Variants in MICAL3 observed in about 807,000 individuals in gnomAD.
The protein encoded by MICAL3 is microtubule associated monooxygenase, calponin and LIM domain containing 3.
In MICAL3, 62 loss-of-function variants were observed where a neutral mutation model predicts 207.4. The ratio of observed to expected loss-of-function variants is 0.30; its 90% CI spans 0.24 to 0.37. The LOEUF is 0.37. MICAL3 is among the 10% of genes least tolerant of loss of function. The probability of loss-of-function intolerance (pLI) is 1.00; values close to 1 mark genes in which losing one functional copy is unlikely to be tolerated. For missense variants in MICAL3, 2,368 were observed against 2,635.6 expected (o/e 0.90, Z 2.22); for synonymous variants, 1,077 against 1,069.3 (o/e 1.01, Z -0.14).
intron 20 of MICAL3, among the ~76,000 whole-genome samples, chr22:17,837,127 C>G (rs1466785327): frequency 6.6e-6 from 1 of 152,276 alleles, no homozygotes; most frequent in Non-Finnish European, 1.5e-5. Context: ...CATCATGCAG[C>G]AGGCTTTACA....
chr22:17,861,413 T>C (rs1384113774), intron 19 of MICAL3: 10 of 985,372 alleles, frequency 1.0e-5, no homozygotes, highest in African/African-American at 1.7e-5. Context: ...CGTCCATCTC[T>C]GGCCGGTAAT....
chr22:17,998,977 T>G (rs895994658), intron 1 of MICAL3, among the ~76,000 whole-genome samples: 3 of 152,216 alleles, frequency 2.0e-5, no homozygotes, highest in African/African-American at 7.2e-5. Context: ...ACATGGAACC[T>G]GCTACAAGAC....
rs1343168521 is a variant in MICAL3, at chr22:17,841,353, G to C, written c.2801+469C>G. On this transcript the variant is annotated intron_variant, in intron 20 of 31. Transcript: ENST00000441493. This position sits in a 1 kb window ranked among gnomAD's most constrained non-coding sequence, Gnocchi z 4.2. ...GGAACTGCCTAAGCATGCATCCACT[G>C]GTGCTGCATGCGGCCCCTGGGGCAC... 1 of 230,344 alleles carries C rather than the reference G, an allele frequency of 4.3e-6. No homozygotes were observed. Among genetic ancestry groups the C allele is most frequent in the Non-Finnish European group, 8.6e-6 (1 of 115,732 alleles). The allele number at this position is 230,344 out of a possible 1,614,324, so 14.3% of individuals were successfully genotyped here.
At chr22:17,982,392 C>T (rs558265598) in intron 1 of MICAL3, among the ~76,000 whole-genome samples, 1 of 152,364 alleles carries the variant, frequency 6.6e-6, no homozygotes, top group South Asian at 2.1e-4. Context: ...AAAATGTTTT[C>T]TTGGCCAGGC....
In MICAL3 at chr22:17,858,275, G is replaced by A. The variant is rs114501866; in HGVS notation, c.2605+6624C>T. 8.3e-3 allele frequency among the ~76,000 whole-genome samples: 1,265 copies of A among 152,320 alleles called. 15 individuals carry two copies. Among genetic ancestry groups the A allele is most frequent in the African/African-American group, 0.029 (1,207 of 41,564 alleles). ...TGCTGAGAATTCCGGGCGGTGGTGA[G>A]AGGAGCCCACAGTGCCATGACCTGA... On this transcript the variant is annotated intron_variant, in intron 19 of 31. Transcript: ENST00000441493.
At chr22:17,977,537 A>G in intron 1 of MICAL3, among the ~76,000 whole-genome samples, 1 of 71,318 alleles carries the variant, frequency 1.4e-5, no homozygotes, top group East Asian at 2.2e-4. Flanking sequence ...AGACTATAAT[A>G]AAAAAAAAAA....
chr22:17,810,033 G>A (rs1458113146), intron 28 of MICAL3, among the ~76,000 whole-genome samples: 1 of 149,524 alleles, frequency 6.7e-6, no homozygotes, highest in African/African-American at 2.5e-5. Flanking sequence ...GGATTACAGG[G>A]GCCCGCCACT....
chr22:18,006,393 T>G (rs1454102612), intron 1 of MICAL3: 2 of 152,008 alleles, frequency 1.3e-5, no homozygotes, highest in African/African-American at 2.4e-5. Flanking sequence ...TGGCCCTGGG[T>G]TGGGGAGATG....
rs143117687 is a variant in MICAL3, at chr22:17,832,227, G to A, written c.2802-120C>T. On this transcript the variant is annotated intron_variant, in intron 20 of 31. Transcript: ENST00000441493. ...GCAAAGCAGCTGCTGAGCAGGCGGA[G>A]AGAGACAGGAGGGAGGAGAGAGCGG... 1,236 of 1,264,600 alleles carry A rather than the reference G, an allele frequency of 9.8e-4. 12 individuals carry two copies. In the African/African-American group the frequency reaches 0.017, roughly 17 times the overall value. 78.3% of individuals were successfully genotyped at this position (1,264,600 alleles called of 1,614,324 possible). A position where few individuals can be genotyped will look rare whatever the true frequency, so the allele number is the denominator to read the frequency against.
chr22:17,824,325 G>A (rs1387452744), intron 22 of MICAL3, among the ~76,000 whole-genome samples: 2 of 152,338 alleles, frequency 1.3e-5, no homozygotes, highest in African/African-American at 2.4e-5. Context: ...ACGGATCAAA[G>A]CCCCAGGCTG....
chr22:17,803,773 A>AG, intron 29 of MICAL3: 2 of 973,354 alleles, frequency 2.1e-6, no homozygotes, highest in Non-Finnish European at 2.4e-6. Context: ...AAAGGGCGTC[A>AG]GCGGGGTTAG....
At chr22:17,840,837 T>C (rs1346432577) in intron 20 of MICAL3, 4 of 152,282 alleles carry the variant, frequency 2.6e-5, no homozygotes, top group Non-Finnish European at 4.4e-5. Context: ...GCTTTGGAAC[T>C]GCAGACACCA....
At chr22:17,901,279 G>T (rs1024451393) in intron 5 of MICAL3, among the ~76,000 whole-genome samples, 5 of 152,164 alleles carry the variant, frequency 3.3e-5, no homozygotes, top group Non-Finnish European at 4.4e-5. Flanking sequence ...AGGGATGCGT[G>T]GGGGGAGCAC....
intron 1 of MICAL3, among the ~76,000 whole-genome samples, chr22:17,978,016 CTG>C (rs1345220750): frequency 6.6e-6 from 1 of 151,556 alleles, no homozygotes; most frequent in East Asian, 1.9e-4. Context: ...GAGTGAAACT[CTG>C]TCTCATAAAA....
intron 1 of MICAL3, among the ~76,000 whole-genome samples, chr22:17,948,551 C>T (rs944961196): frequency 2.0e-5 from 3 of 152,146 alleles, no homozygotes; most frequent in Non-Finnish European, 2.9e-5. Flanking sequence ...TTGGGCTCAT[C>T]GTGGAAATCA....
rs906966064 is a variant in MICAL3, at chr22:17,886,071, A to G, written c.2068-20T>C. On this transcript the variant is annotated intron_variant, in intron 15 of 31. Coordinates refer to ENST00000441493, the MANE Select transcript of MICAL3 (RefSeq NM_015241.3). ...TTCCTCCTGGTCAATGCCAACCCCA[A>G]AGAACCCGGCGCTGTGACAGGAGGC... The G allele has an allele frequency of 6.2e-7, 1 of 1,612,502 alleles. No individual in the cohort carries two copies. The highest frequency in any genetic ancestry group is 8.5e-7 in the Non-Finnish European group (1 of 1,179,470).
intron 29 of MICAL3, among the ~76,000 whole-genome samples, chr22:17,801,120 T>G (rs2061932879): frequency 6.6e-6 from 1 of 152,046 alleles, no homozygotes; most frequent in African/African-American, 2.4e-5. Context: ...CACTGTGTGA[T>G]TCACAAGGCA....
intron 27 of MICAL3, among the ~76,000 whole-genome samples, chr22:17,812,193 CT>C (rs2062056015): frequency 6.6e-6 from 1 of 152,260 alleles, no homozygotes; most frequent in Non-Finnish European, 1.5e-5. Flanking sequence ...AGCGCTGCAC[CT>C]TGCTGATCAG....
At position 17,929,571 on chromosome 22, in the gene MICAL3, T is replaced by TC. The variant is rs1556418311; in HGVS notation, c.-74-22686_-74-22685insG. 7.4e-3 allele frequency among the ~76,000 whole-genome samples: 945 copies of TC among 128,332 alleles called. 8 individuals carry two copies. The highest frequency in any genetic ancestry group is 0.028 in the African/African-American group (912 of 32,990). 84.2% of individuals were successfully genotyped at this position (128,332 alleles called of 152,430 possible). ...TTTCTTTCTTTCCTTTTCTTTTCTT[T>TC]TTTTTTTTTTTTTTTTGACAGGGTC... On this transcript the variant is annotated intron_variant, in intron 1 of 31. Transcript: ENST00000441493.
Sources: allele counts gnomAD v4.1 joint callset (sites outside exome capture counted in the v4.1 genomes callset), GRCh38; gene constraint gnomAD v4.1.1; non-coding constraint Gnocchi (gnomAD v3.1); transcripts MANE v1.5; gene names NCBI Gene and HGNC (gene_info 2026-07-23, HGNC 2026-07-21).